The following ASTN2 variants were observed in gnomAD, a reference collection of about 807,000 sequenced individuals.
ASTN2 encodes the protein astrotactin-2.
Under a neutral mutation model 139.8 loss-of-function variants are expected in ASTN2, and 54 were observed. The observed-to-expected ratio is 0.39, with a 90% CI of 0.31 to 0.48. The LOEUF (loss-of-function observed/expected upper bound fraction) is 0.48, where lower values mean the gene tolerates loss of function less well. ASTN2 is among the 20% of genes least tolerant of loss of function. The pLI is 0.95. For synonymous variants in ASTN2, 756 were observed against 719.5 expected (o/e 1.05, Z -0.81); for missense variants, 1,565 against 1,725.1 (o/e 0.91, Z 1.64).
intron 2 of ASTN2, among the ~76,000 whole-genome samples, chr9:117,236,898 T>A (rs1455662170): frequency 6.6e-6 from 1 of 152,166 alleles, no homozygotes; most frequent in Non-Finnish European, 1.5e-5. Context: ...TTAGCTATGA[T>A]CCGTAAAGCA....
intron 16 of ASTN2, among the ~76,000 whole-genome samples, chr9:116,694,459 C>CTTTT (rs56666915): frequency 0.48 from 41,818 of 87,754 alleles, 11,179 homozygotes; most frequent in East Asian, 0.78. Flanking sequence ...TGTAATTTCT[C>CTTTT]TTTTTTTTTT....
chr9:117,294,662 G>C, intron 1 of ASTN2, among the ~76,000 whole-genome samples: 1 of 152,268 alleles, frequency 6.6e-6, no homozygotes, highest in South Asian at 2.1e-4. Flanking sequence ...ATGTCTCCTT[G>C]CCCATGTTAC....
chr9:116,921,665 G>A (rs1355122603), intron 10 of ASTN2, among the ~76,000 whole-genome samples: 2 of 151,518 alleles, frequency 1.3e-5, no homozygotes, highest in African/African-American at 4.8e-5. Flanking sequence ...TTACAGTTCT[G>A]CATGGCTGGA....
chr9:116,890,082 A>G (rs1384255847), intron 10 of ASTN2, among the ~76,000 whole-genome samples: 2 of 152,202 alleles, frequency 1.3e-5, no homozygotes, highest in African/African-American at 2.4e-5. Context: ...AACATTTCAG[A>G]GGTATTGAAC....
rs1188882077 is a variant in ASTN2, at chr9:117,311,613, C to G, written c.443-20100G>C. Among the ~76,000 whole-genome samples, 4 of 152,130 alleles carry G rather than the reference C, an allele frequency of 2.6e-5. No homozygotes were observed. The East Asian group carries it at 7.7e-4, about 29-fold the overall frequency. ...AAGTCACTCAGTATGTAAGATCAAG[C>G]TCAGAAGAAGAAATCAGGCAGCCTG... On this transcript the variant is annotated intron_variant, in intron 1 of 22. Coordinates refer to ENST00000313400, the MANE Select transcript of ASTN2 (RefSeq NM_001365068.1).
chr9:117,263,059 C>T (rs1470266794), intron 2 of ASTN2, among the ~76,000 whole-genome samples: 2 of 152,184 alleles, frequency 1.3e-5, no homozygotes, highest in African/African-American at 2.4e-5. Flanking sequence ...CTGTAAGATA[C>T]TAAATCTGTG....
At chr9:117,349,049 C>T (rs943211958) in intron 1 of ASTN2, among the ~76,000 whole-genome samples, 1 of 152,150 alleles carries the variant, frequency 6.6e-6, no homozygotes, top group Non-Finnish European at 1.5e-5. Context: ...ATAGAGAGAG[C>T]TAGGCAAGGG....
At chr9:116,577,426 G>T (rs1318851810) in intron 19 of ASTN2, among the ~76,000 whole-genome samples, 2 of 142,934 alleles carry the variant, frequency 1.4e-5, no homozygotes, top group Non-Finnish European at 3.0e-5. Context: ...CAGCTATGCT[G>T]GGGGGCTGAG....
At chr9:116,795,784 T>C (rs1440627931) in intron 13 of ASTN2, among the ~76,000 whole-genome samples, 1 of 152,210 alleles carries the variant, frequency 6.6e-6, no homozygotes, top group South Asian at 2.1e-4. Context: ...GGAATGGTTA[T>C]TGGGATCCTA....
At chr9:116,917,709 T>G (rs905100562) in intron 10 of ASTN2, among the ~76,000 whole-genome samples, 3 of 152,198 alleles carry the variant, frequency 2.0e-5, no homozygotes, top group Admixed American at 2.0e-4. Flanking sequence ...AATGGAAAGG[T>G]GAAGTAGCCT....
intron 13 of ASTN2, among the ~76,000 whole-genome samples, chr9:116,756,971 G>A (rs1829549811): frequency 6.6e-6 from 1 of 152,162 alleles, no homozygotes; most frequent in African/African-American, 2.4e-5. Context: ...CTCACTTGCT[G>A]GGCCTGTCTC....
chr9:116,733,989 G>A (rs1049611701), intron 13 of ASTN2, among the ~76,000 whole-genome samples: 1 of 152,106 alleles, frequency 6.6e-6, no homozygotes, highest in African/African-American at 2.4e-5. Flanking sequence ...AGAACAAGGG[G>A]CAAGACTAGG....
intron 19 of ASTN2, among the ~76,000 whole-genome samples, chr9:116,587,071 T>C (rs1281348108): frequency 1.3e-5 from 2 of 152,144 alleles, no homozygotes; most frequent in Admixed American, 6.5e-5. Flanking sequence ...CCAAGCGTGG[T>C]GGCTCTCGCC....
intron 12 of ASTN2, among the ~76,000 whole-genome samples, chr9:116,814,105 A>C (rs539317172): frequency 1.9e-4 from 29 of 152,160 alleles, no homozygotes; most frequent in Non-Finnish European, 4.0e-4. Context: ...GGAGCTGCAC[A>C]ACAGGTAGAC....
chr9:117,260,281 T>G (rs1442045667), intron 2 of ASTN2, among the ~76,000 whole-genome samples: 1 of 152,190 alleles, frequency 6.6e-6, no homozygotes, highest in Non-Finnish European at 1.5e-5. Flanking sequence ...CAATCTGTCA[T>G]GTGAACAGAG....
chr9:117,074,032 C>T lies in ASTN2; in HGVS notation c.1276+22012G>A, dbSNP rs10114858. On this transcript the variant is annotated intron_variant, in intron 5 of 22. Coordinates refer to ENST00000313400, the MANE Select transcript of ASTN2 (RefSeq NM_001365068.1). ...CCCAGGCGATGGCCATTATTATCCC[C>T]GGCCCTCACCTGCCGGGAATAGAAG... Among the ~76,000 whole-genome samples the T allele has an allele frequency of 6.8e-3, 1,033 of 152,206 alleles. 13 individuals carry two copies. Among genetic ancestry groups the T allele is most frequent in the African/African-American group, 0.023 (967 of 41,526 alleles).
chr9:116,650,501 CGA>C (rs1386373628), intron 17 of ASTN2, among the ~76,000 whole-genome samples: 23 of 152,074 alleles, frequency 1.5e-4, no homozygotes, highest in African/African-American at 5.3e-4. Flanking sequence ...AAAAGGGGTA[CGA>C]TATTAAAATG....
At chr9:117,194,562 G>A (rs538923126) in intron 3 of ASTN2, among the ~76,000 whole-genome samples, 6 of 152,328 alleles carry the variant, frequency 3.9e-5, no homozygotes, top group Non-Finnish European at 4.4e-5. Context: ...CAGGCTCACT[G>A]TATAAAACAT....
intron 16 of ASTN2, among the ~76,000 whole-genome samples, chr9:116,716,878 C>G (rs1828325963): frequency 6.6e-6 from 1 of 152,182 alleles, no homozygotes; most frequent in Non-Finnish European, 1.5e-5. Flanking sequence ...CTTAGCTTTC[C>G]TAATTTCTTT....
Sources: allele counts gnomAD v4.1 joint callset (sites outside exome capture counted in the v4.1 genomes callset), GRCh38; gene constraint gnomAD v4.1.1; transcripts MANE v1.5; gene names NCBI Gene and HGNC (gene_info 2026-07-23, HGNC 2026-07-21).